Variants in GREM2 observed in about 807,000 individuals in gnomAD.
The protein encoded by GREM2 is gremlin-2.
GREM2 carries 11 observed loss-of-function variants against 14.2 expected under a neutral mutation model. The ratio of observed to expected loss-of-function variants is 0.78; its 90% CI spans 0.49 to 1.28. GREM2 has a LOEUF of 1.28. GREM2 is among the 50% of genes most tolerant of loss of function. The probability of loss-of-function intolerance (pLI) is 0.00; values close to 1 mark genes in which losing one functional copy is unlikely to be tolerated. For missense variants in GREM2, 210 were observed against 218.5 expected, an observed-to-expected ratio of 0.96 and a Z score of 0.24; for synonymous variants, 98 against 97.6, an observed-to-expected ratio of 1.00 and a Z score of -0.02.
At chr1:240,514,148 G>A (rs980107025) in intron 1 of GREM2, among the ~76,000 whole-genome samples, 2 of 151,112 alleles carry the variant, frequency 1.3e-5, no homozygotes. Context: ...TCGGGAGGCT[G>A]AGGCAGGGGA....
At position 240,540,567 on chromosome 1, in the gene GREM2, C is replaced by CTT. The variant is rs113815795; in HGVS notation, c.-1-47093_-1-47092dup. On this transcript the variant is annotated intron_variant, in intron 1 of 1. Coordinates refer to ENST00000318160, the MANE Select transcript of GREM2 (RefSeq NM_022469.4). The surrounding 1 kb of genome is among the most constrained non-coding windows in gnomAD (Gnocchi z 4.2). ...GTAAGTCAAAAGAAGAATGGTACTT[C>CTT]TTTTTTTTTTTTTTGAGATGGAGTC... Among the ~76,000 whole-genome samples the CTT allele has an allele frequency of 8.4e-5, 12 of 143,128 alleles. No individual in the cohort carries two copies. The highest frequency in any genetic ancestry group is 2.3e-4 in the South Asian group (1 of 4,426). The allele number at this position is 143,128 out of a possible 152,430, so 93.9% of individuals were successfully genotyped here.
At chr1:240,544,660 A>C (rs796572064) in intron 1 of GREM2, among the ~76,000 whole-genome samples, 5 of 152,292 alleles carry the variant, frequency 3.3e-5, no homozygotes, top group African/African-American at 1.2e-4. Context: ...AGCCCTTTTC[A>C]AAGCCGTCCA....
At chr1:240,580,207 A>G (rs1679458336) in intron 1 of GREM2, among the ~76,000 whole-genome samples, 1 of 152,166 alleles carries the variant, frequency 6.6e-6, no homozygotes, top group African/African-American at 2.4e-5. Context: ...CCTGGACCAC[A>G]TAGGAAGACC....
At chr1:240,498,213 G>A (rs12567336) in intron 1 of GREM2, among the ~76,000 whole-genome samples, 32,239 of 152,118 alleles carry the variant, frequency 0.21, 4,225 homozygotes, top group East Asian at 0.44. Context: ...AAAACATCTG[G>A]CAATCATCCT....
intron 1 of GREM2, among the ~76,000 whole-genome samples, chr1:240,592,069 C>T (rs115299575): frequency 0.017 from 2,611 of 152,254 alleles, 41 homozygotes; most frequent in Middle Eastern, 0.12. Context: ...GCTGTGGCTA[C>T]AGCTGAGAGA....
chr1:240,519,507 A>G (rs1300994672), intron 1 of GREM2, among the ~76,000 whole-genome samples: 3 of 152,184 alleles, frequency 2.0e-5, no homozygotes, highest in Admixed American at 1.3e-4. Flanking sequence ...TTCAAAAATT[A>G]TTTTTGGACT....
chr1:240,552,454 G>A (rs184454877), intron 1 of GREM2, among the ~76,000 whole-genome samples: 1 of 152,226 alleles, frequency 6.6e-6, no homozygotes, highest in East Asian at 1.9e-4. Flanking sequence ...AAATTAGCCA[G>A]CCATGGTGGT....
In GREM2 at chr1:240,507,444, C is replaced by T. The variant is rs1677703346; in HGVS notation, c.-1-13968G>A. Among the ~76,000 whole-genome samples, 4 of 152,298 alleles carry T rather than the reference C, an allele frequency of 2.6e-5. No individual in the cohort carries two copies. The South Asian group carries it at 8.3e-4, about 32-fold the overall frequency. Reference sequence around the variant, plus strand: ...CTCCTGGGTTCAAGCGATTCTCCTGCCTCAGCCTCCCAAAAGTAGCTGGGA... The same window carrying T: ...CTCCTGGGTTCAAGCGATTCTCCTGTCTCAGCCTCCCAAAAGTAGCTGGGA... On this transcript the variant is annotated intron_variant, in intron 1 of 1. Transcript: ENST00000318160.
At chr1:240,590,798 T>C (rs1679695750) in intron 1 of GREM2, 1 of 151,748 alleles carries the variant, frequency 6.6e-6, no homozygotes, top group Non-Finnish European at 1.5e-5. Flanking sequence ...TTTCTTTTCT[T>C]TTTTTGAGGC....
At chr1:240,599,516 C>A (rs1679879558) in intron 1 of GREM2, among the ~76,000 whole-genome samples, 1 of 152,182 alleles carries the variant, frequency 6.6e-6, no homozygotes, top group African/African-American at 2.4e-5. Context: ...ACACTCATTT[C>A]TTTCCCTGAA....
At chr1:240,532,482 G>T (rs1678383207) in intron 1 of GREM2, among the ~76,000 whole-genome samples, 1 of 152,092 alleles carries the variant, frequency 6.6e-6, no homozygotes, top group African/African-American at 2.4e-5. Flanking sequence ...TATGCAATTG[G>T]TTTTCACTCT....
At chr1:240,561,518 G>T (rs1359880969) in intron 1 of GREM2, among the ~76,000 whole-genome samples, 2 of 152,066 alleles carry the variant, frequency 1.3e-5, no homozygotes, top group African/African-American at 4.8e-5. Context: ...AGACCTTTTG[G>T]TTCCATAAAT....
At chr1:240,511,137 T>C (rs1205646555) in intron 1 of GREM2, among the ~76,000 whole-genome samples, 2 of 152,214 alleles carry the variant, frequency 1.3e-5, no homozygotes, top group Non-Finnish European at 2.9e-5. Context: ...GGATTATTAT[T>C]ATAAGTTAGG....
intron 1 of GREM2, among the ~76,000 whole-genome samples, chr1:240,593,651 G>A (rs573031892): frequency 3.9e-5 from 6 of 152,308 alleles, no homozygotes; most frequent in African/African-American, 9.6e-5. Flanking sequence ...TTTGTGTGTT[G>A]CAGTAGACTC....
chr1:240,502,328 C>A (rs1212338180), intron 1 of GREM2, among the ~76,000 whole-genome samples: 1 of 152,186 alleles, frequency 6.6e-6, no homozygotes, highest in South Asian at 2.1e-4. Flanking sequence ...CCTGATGAAA[C>A]TATCACTGTA....
chr1:240,523,479 C>T (rs1238944076), intron 1 of GREM2, among the ~76,000 whole-genome samples: 1 of 152,150 alleles, frequency 6.6e-6, no homozygotes, highest in African/African-American at 2.4e-5. Context: ...CCCCAAATGT[C>T]CTTTGGGGAG....
chr1:240,552,139 T>C (rs1294293733), intron 1 of GREM2, among the ~76,000 whole-genome samples: 1 of 152,204 alleles, frequency 6.6e-6, no homozygotes, highest in African/African-American at 2.4e-5. Context: ...TAAGTGATGG[T>C]GAGATGATAC....
At chr1:240,546,945 A>G (rs760912949) in intron 1 of GREM2, among the ~76,000 whole-genome samples, 17 of 152,310 alleles carry the variant, frequency 1.1e-4, no homozygotes, top group Admixed American at 3.3e-4. Flanking sequence ...CAAATTCCCA[A>G]TGGAAGAGAA....
chr1:240,515,227 T>C (rs1421332430), intron 1 of GREM2, among the ~76,000 whole-genome samples: 2 of 152,200 alleles, frequency 1.3e-5, no homozygotes, highest in Non-Finnish European at 2.9e-5. Context: ...TGCTCTTCAA[T>C]AAAACAACTA....
Sources: gnomAD v4.1 joint callset for allele counts (sites outside exome capture counted in the v4.1 genomes callset) on GRCh38, gnomAD v4.1.1 for gene constraint, Gnocchi (gnomAD v3.1) non-coding constraint, MANE v1.5 for transcripts, NCBI Gene and HGNC (gene_info 2026-07-23, HGNC 2026-07-21) for gene names.